SGIP1: variants seen among roughly 807,000 people sequenced by gnomAD.
SGIP1 encodes the protein SH3GL interacting endocytic adaptor 1, also known as SH3-containing GRB2-like protein 3-interacting protein 1.
A neutral mutation model predicts 107.5 loss-of-function variants in SGIP1; 38 were observed. The observed-to-expected ratio is 0.35, with a 90% CI of 0.27 to 0.46. SGIP1 has a LOEUF of 0.46. SGIP1 is among the 20% of genes least tolerant of loss of function. The pLI, the probability that SGIP1 is intolerant of heterozygous loss-of-function variation, is 1.00. For synonymous variants in SGIP1, 365 were observed against 366.1 expected (o/e 1.00, Z 0.03); for missense variants, 929 against 1,019.5 (o/e 0.91, Z 1.21).
At chr1:66,650,142 A>G (rs1165476892) in intron 7 of SGIP1, among the ~76,000 whole-genome samples, 1 of 152,188 alleles carries the variant, frequency 6.6e-6, no homozygotes, top group African/African-American at 2.4e-5. Flanking sequence ...AAGACCAGTA[A>G]TTAATTACCC....
chr1:66,630,667 G>A (rs992923837), intron 2 of SGIP1, among the ~76,000 whole-genome samples: 5 of 150,742 alleles, frequency 3.3e-5, no homozygotes, highest in South Asian at 4.2e-4. Flanking sequence ...TTAGCTGGGC[G>A]TGGTGATGCA....
intron 1 of SGIP1, among the ~76,000 whole-genome samples, chr1:66,554,702 A>G (rs1470635529): frequency 6.6e-6 from 1 of 152,164 alleles, no homozygotes. Context: ...CATCCCCAAG[A>G]TACCTCCTAA....
At chr1:66,672,814 C>T (rs866493576) in intron 11 of SGIP1, among the ~76,000 whole-genome samples, 4 of 151,828 alleles carry the variant, frequency 2.6e-5, no homozygotes, top group South Asian at 2.1e-4. Context: ...TGAAACTTCT[C>T]GGTGGCTTTT....
intron 1 of SGIP1, among the ~76,000 whole-genome samples, chr1:66,599,630 G>A (rs182958216): frequency 3.5e-4 from 54 of 152,202 alleles, no homozygotes; most frequent in Middle Eastern, 6.8e-3. Flanking sequence ...ATTTAACTAC[G>A]GGTGTATTTA....
At chr1:66,735,233 T>G (rs542524327) in intron 21 of SGIP1, among the ~76,000 whole-genome samples, 1 of 152,222 alleles carries the variant, frequency 6.6e-6, no homozygotes, top group East Asian at 1.9e-4. Flanking sequence ...TTTAGTTTTT[T>G]GAGATGAAGT....
intron 18 of SGIP1, among the ~76,000 whole-genome samples, chr1:66,718,763 T>A (rs1007641191): frequency 1.3e-5 from 2 of 152,096 alleles, no homozygotes; most frequent in Non-Finnish European, 2.9e-5. Flanking sequence ...GTTGTCTATG[T>A]TTTTGGACAT....
rs905134053 is a variant in SGIP1 at position 66,689,092 on chromosome 1, A to G, written c.1316-56A>G. On this transcript the variant is annotated intron_variant, in intron 15 of 24. Coordinates refer to ENST00000371037, the MANE Select transcript of SGIP1 (RefSeq NM_032291.4). The stretch of plus-strand genomic sequence containing the variant: ...TCCGGGACTGGCATTATACTGTGAT[A>G]ACAGCGCTTTGGCCCCCTGTGTTTC... 4.3e-5 allele frequency: 67 copies of G among 1,572,702 alleles called. 1 individual carries two copies. Among genetic ancestry groups the G allele is most frequent in the Non-Finnish European group, 5.3e-5 (62 of 1,159,446 alleles).
intron 3 of SGIP1, among the ~76,000 whole-genome samples, chr1:66,633,685 G>A (rs970713195): frequency 7.9e-5 from 12 of 152,070 alleles, no homozygotes; most frequent in Admixed American, 7.9e-4. Flanking sequence ...GAAGTCCGTG[G>A]TGCATGGGCT....
intron 20 of SGIP1, 139 bp downstream of exon 20, chr1:66,729,558 A>T: frequency 8.5e-7 from 1 of 1,181,704 alleles, no homozygotes; most frequent in Non-Finnish European, 1.2e-6. Flanking sequence ...ATTCAAGCAC[A>T]GAACTTTTAC....
At chr1:66,709,237 G>C (rs1322897647) in intron 18 of SGIP1, among the ~76,000 whole-genome samples, 1 of 137,674 alleles carries the variant, frequency 7.3e-6, no homozygotes, top group Non-Finnish European at 1.5e-5. Flanking sequence ...GTGTCCATGT[G>C]TTCTCATTGG....
intron 1 of SGIP1, among the ~76,000 whole-genome samples, chr1:66,551,942 C>G (rs2057477436): frequency 6.6e-6 from 1 of 152,076 alleles, no homozygotes; most frequent in Admixed American, 6.5e-5. Context: ...ATCAGTGTAC[C>G]AGGCTCTGAG....
rs61157321 is a variant in SGIP1, at chr1:66,601,344, G to A, written c.11-24503G>A. 5.8e-3 allele frequency among the ~76,000 whole-genome samples: 880 copies of A among 152,194 alleles called. 11 individuals are homozygous for A. The highest frequency in any genetic ancestry group is 0.02 in the African/African-American group (825 of 41,542). On this transcript the variant is annotated intron_variant, in intron 1 of 24. Transcript: ENST00000371037. ...CGCGCCACTGCACTCCAGCCTGGGC[G>A]ACACAGAGAGACTCCGTCCCAAACA...
At chr1:66,571,664 G>T (rs1359525454) in intron 1 of SGIP1, among the ~76,000 whole-genome samples, 1 of 151,994 alleles carries the variant, frequency 6.6e-6, no homozygotes. Flanking sequence ...TAATCTGCAA[G>T]TTCTCTGCTG....
chr1:66,614,609 T>C (rs1021804013), intron 1 of SGIP1, among the ~76,000 whole-genome samples: 3 of 152,150 alleles, frequency 2.0e-5, no homozygotes, highest in African/African-American at 7.2e-5. Context: ...TTTACATACA[T>C]AATTTTTAAC....
At chr1:66,559,561 G>A (rs2058646815) in intron 1 of SGIP1, among the ~76,000 whole-genome samples, 1 of 152,036 alleles carries the variant, frequency 6.6e-6, no homozygotes, top group South Asian at 2.1e-4. Flanking sequence ...CAAGCTTGAG[G>A]AGCAGTAGAG....
intron 1 of SGIP1, among the ~76,000 whole-genome samples, chr1:66,567,168 T>C (rs944120111): frequency 6.6e-6 from 1 of 152,084 alleles, no homozygotes; most frequent in African/African-American, 2.4e-5. Context: ...CTCCAGCATC[T>C]ATTGTTTCTT....
chr1:66,538,408 T>G (rs2054118615), intron 1 of SGIP1, among the ~76,000 whole-genome samples: 2 of 152,180 alleles, frequency 1.3e-5, no homozygotes, highest in South Asian at 4.1e-4. Context: ...TTCTCCAGTG[T>G]TCTGTATCAT....
rs1005028954 is a variant in SGIP1 at position 66,569,624 on chromosome 1, T to G, written c.10+35256T>G. On this transcript the variant is annotated intron_variant, in intron 1 of 24. Coordinates refer to ENST00000371037, the MANE Select transcript of SGIP1 (RefSeq NM_032291.4). ...CACTTGGTTGTGGTATATAATTTTT[T>G]TATACATTGTTGGATTTGATTTGCT... 2.0e-5 allele frequency among the ~76,000 whole-genome samples: 3 copies of G among 151,918 alleles called. No homozygotes were observed. The East Asian group carries it at 5.8e-4, about 29-fold the overall frequency.
chr1:66,646,002 G>A (rs981564228), intron 7 of SGIP1, among the ~76,000 whole-genome samples: 1 of 151,958 alleles, frequency 6.6e-6, no homozygotes, highest in Non-Finnish European at 1.5e-5. Flanking sequence ...CACCATGCCT[G>A]GCTACTTTTG....
Sources: allele counts gnomAD v4.1 joint callset (sites outside exome capture counted in the v4.1 genomes callset), GRCh38; gene constraint gnomAD v4.1.1; transcripts MANE v1.5; gene names NCBI Gene and HGNC (gene_info 2026-07-23, HGNC 2026-07-21).